The following CACNA2D3 variants were observed in gnomAD, a reference collection of about 807,000 sequenced individuals.
CACNA2D3 encodes voltage-dependent calcium channel subunit alpha-2/delta-3.
Under a neutral mutation model 160.6 loss-of-function variants are expected in CACNA2D3, and 60 were observed. That is an observed-to-expected ratio of 0.37 (90% confidence interval 0.30 to 0.46). CACNA2D3 has a LOEUF of 0.46. Ranked by LOEUF, CACNA2D3 falls within the 20% of genes least tolerant of loss-of-function variation. The pLI is 1.00. For synonymous variants in CACNA2D3, 558 were observed against 492.9 expected (o/e 1.13, Z -1.75); for missense variants, 1,205 against 1,365.0 (o/e 0.88, Z 1.85).
In CACNA2D3 at chr3:54,764,366, C is replaced by A. The variant is rs367564025; in HGVS notation, c.1380+15C>A. On this transcript the variant is annotated intron_variant, in intron 13 of 37. Coordinates refer to ENST00000474759, the MANE Select transcript of CACNA2D3 (RefSeq NM_018398.3). ...TTGACAGCACTGTGAGTCCACGGGG[C>A]CCTGGGAAAGAGGCTAAGCTTTACC... is the stretch of plus-strand genomic sequence containing the variant. 1.9e-6 allele frequency: 3 copies of A among 1,613,106 alleles called. No individual in the cohort carries two copies. The highest frequency in any genetic ancestry group is 1.7e-5 in the Admixed American group (1 of 59,970).
chr3:54,869,804 G>C (rs753875925), intron 17 of CACNA2D3, among the ~76,000 whole-genome samples: 48 of 152,182 alleles, frequency 3.2e-4, no homozygotes, highest in Non-Finnish European at 6.3e-4. Context: ...TTCAGCCCAA[G>C]ACTGCATCTC....
At chr3:54,221,979 G>A (rs1431644017) in intron 2 of CACNA2D3, among the ~76,000 whole-genome samples, 1 of 152,144 alleles carries the variant, frequency 6.6e-6, no homozygotes, top group East Asian at 1.9e-4. Context: ...CTCCCAAAGT[G>A]TTGGGATAAC....
chr3:54,569,339 T>C (rs1321624315), intron 6 of CACNA2D3, among the ~76,000 whole-genome samples: 3 of 152,192 alleles, frequency 2.0e-5, no homozygotes, highest in African/African-American at 7.2e-5. Context: ...TGTATATCCT[T>C]AGTTGGAAAC....
intron 2 of CACNA2D3, among the ~76,000 whole-genome samples, chr3:54,282,647 T>C (rs1478862112): frequency 1.3e-5 from 2 of 152,236 alleles, no homozygotes; most frequent in Non-Finnish European, 2.9e-5. Flanking sequence ...CACCAGGCTA[T>C]GTGCTGGGCT....
intron 4 of CACNA2D3, among the ~76,000 whole-genome samples, chr3:54,455,511 C>T (rs1370889326): frequency 2.0e-5 from 3 of 151,552 alleles, no homozygotes; most frequent in Non-Finnish European, 2.9e-5. Context: ...TTTTTTTTCC[C>T]ATTTTGGAGG....
intron 13 of CACNA2D3, among the ~76,000 whole-genome samples, chr3:54,777,363 C>G (rs1702443876): frequency 6.6e-6 from 1 of 152,166 alleles, no homozygotes; most frequent in South Asian, 2.1e-4. Context: ...CTCCTCCTAA[C>G]CTTACTCTGC....
intron 11 of CACNA2D3, among the ~76,000 whole-genome samples, chr3:54,717,967 T>G (rs1416850489): frequency 6.6e-6 from 1 of 152,164 alleles, no homozygotes; most frequent in East Asian, 1.9e-4. Context: ...TGTTGATCAG[T>G]TTTCATATGT....
intron 4 of CACNA2D3, among the ~76,000 whole-genome samples, chr3:54,414,801 CTTTT>C (rs34567327): frequency 2.9e-5 from 4 of 138,542 alleles, no homozygotes; most frequent in African/African-American, 5.2e-5. Flanking sequence ...ATTCTTTTAA[CTTTT>C]TTTTTTTTTT....
intron 27 of CACNA2D3, among the ~76,000 whole-genome samples, chr3:54,935,214 A>G (rs1279024794): frequency 6.6e-6 from 1 of 152,120 alleles, no homozygotes; most frequent in Non-Finnish European, 1.5e-5. Context: ...TAGACCATCT[A>G]AGTCTACCTC....
intron 2 of CACNA2D3, among the ~76,000 whole-genome samples, chr3:54,263,976 G>A (rs1217075485): frequency 1.3e-5 from 2 of 152,094 alleles, no homozygotes; most frequent in African/African-American, 4.8e-5. Flanking sequence ...ATGGTTGGAG[G>A]AAAATATGCC....
chr3:54,959,821 G>C (rs1006652579), intron 27 of CACNA2D3, among the ~76,000 whole-genome samples: 51 of 152,112 alleles, frequency 3.4e-4, no homozygotes, highest in African/African-American at 1.2e-3. Flanking sequence ...AAAATGATCT[G>C]ACAAAAACAA....
intron 17 of CACNA2D3, among the ~76,000 whole-genome samples, chr3:54,852,723 AG>A (rs1352315027): frequency 6.6e-6 from 1 of 152,212 alleles, no homozygotes; most frequent in Admixed American, 6.5e-5. Context: ...CATGCTAATC[AG>A]TGTAAATGTT....
intron 14 of CACNA2D3, among the ~76,000 whole-genome samples, chr3:54,830,190 G>A (rs952808876): frequency 2.0e-5 from 3 of 152,016 alleles, no homozygotes; most frequent in Non-Finnish European, 4.4e-5. Flanking sequence ...TGATCCACCT[G>A]CCTTGGCCTC....
chr3:54,797,411 G>C (rs1323542966), intron 13 of CACNA2D3, among the ~76,000 whole-genome samples: 1 of 152,152 alleles, frequency 6.6e-6, no homozygotes, highest in Admixed American at 6.5e-5. Context: ...GTAGAAGCCC[G>C]TGTCACTGTG....
intron 13 of CACNA2D3, among the ~76,000 whole-genome samples, chr3:54,804,109 A>T (rs2106679357): frequency 6.6e-6 from 1 of 152,236 alleles, no homozygotes; most frequent in African/African-American, 2.4e-5. Flanking sequence ...TCATGCCAAA[A>T]TGTAAAGACC....
chr3:54,968,610 A>T (rs1702205854), intron 28 of CACNA2D3, 99 bp downstream of exon 28: 1 of 816,410 alleles, frequency 1.2e-6, no homozygotes, highest in African/African-American at 1.7e-5. Flanking sequence ...ATTTCCGATG[A>T]ATGTTTGTAA....
rs7634169 is a variant in CACNA2D3 at position 54,768,525 on chromosome 3, C to T, written c.1380+4174C>T. Among the ~76,000 whole-genome samples the T allele has an allele frequency of 5.7e-3, 869 of 152,240 alleles. 7 individuals carry two copies. Among genetic ancestry groups the T allele is most frequent in the African/African-American group, 0.019 (809 of 41,530 alleles). On this transcript the variant is annotated intron_variant, in intron 13 of 37. Transcript: ENST00000474759. The stretch of plus-strand genomic sequence containing the variant: ...GAACCCATTGCTACTCAAACTTTTG[C>T]GCTGAAGTACTTTTGTGACCACAGA...
chr3:54,515,182 G>GTC (rs1405598121), intron 5 of CACNA2D3, among the ~76,000 whole-genome samples: 1 of 138,496 alleles, frequency 7.2e-6, no homozygotes, highest in African/African-American at 2.8e-5. Context: ...GTCTGTGTGT[G>GTC]TGTGTGTGTG....
intron 11 of CACNA2D3, among the ~76,000 whole-genome samples, chr3:54,680,237 A>G (rs1700317425): frequency 6.6e-6 from 1 of 152,212 alleles, no homozygotes. Flanking sequence ...ACTTCCAAAG[A>G]TATACATTCA....
Sources: allele counts gnomAD v4.1 joint callset (sites outside exome capture counted in the v4.1 genomes callset), GRCh38; gene constraint gnomAD v4.1.1; transcripts MANE v1.5; gene names NCBI Gene and HGNC (gene_info 2026-07-23, HGNC 2026-07-21).